Variants in DENND1A observed in about 807,000 individuals in gnomAD.
DENND1A encodes DENN domain containing 1A, also known as DENN domain-containing protein 1A.
In DENND1A, 51 loss-of-function variants were observed where a neutral mutation model predicts 113.7. The ratio of observed to expected loss-of-function variants is 0.45; its 90% confidence interval spans 0.36 to 0.57. DENND1A has a LOEUF of 0.57. Among genes scored for constraint, DENND1A ranks in the 20% least tolerant of loss-of-function variants. The pLI is 0.00. For missense variants in DENND1A, 1,258 were observed against 1,395.9 expected (o/e 0.90, Z 1.57); for synonymous variants, 565 against 570.8 (o/e 0.99, Z 0.14).
chr9:123,913,574 T>C (rs1227416439), intron 1 of DENND1A, among the ~76,000 whole-genome samples: 3 of 152,058 alleles, frequency 2.0e-5, no homozygotes, highest in African/African-American at 7.2e-5. Context: ...TAAGAAACTC[T>C]GGAAGAGGGA....
chr9:123,509,700 T>C (rs948957956), intron 13 of DENND1A, among the ~76,000 whole-genome samples: 1 of 152,224 alleles, frequency 6.6e-6, no homozygotes, highest in Admixed American at 6.5e-5. Flanking sequence ...GGCCAGACTT[T>C]CCTCCTGAAC....
intron 6 of DENND1A, among the ~76,000 whole-genome samples, chr9:123,675,791 A>T (rs546982101): frequency 3.3e-5 from 5 of 152,328 alleles, no homozygotes; most frequent in Non-Finnish European, 7.3e-5. Flanking sequence ...CTTTAAGAAA[A>T]CAGCAGAATT....
intron 5 of DENND1A, among the ~76,000 whole-genome samples, chr9:123,755,184 A>T (rs2070420419): frequency 6.7e-6 from 1 of 149,012 alleles, no homozygotes; most frequent in Non-Finnish European, 1.5e-5. Context: ...GTGAAGTGGC[A>T]TGATCTCAGC....
chr9:123,386,028 C>T (rs994163371), intron 22 of DENND1A, among the ~76,000 whole-genome samples: 3 of 152,178 alleles, frequency 2.0e-5, no homozygotes, highest in South Asian at 2.1e-4. Flanking sequence ...AGCGAGCCCT[C>T]GCCGTTATTT....
At chr9:123,811,006 A>C (rs1296832409) in intron 2 of DENND1A, among the ~76,000 whole-genome samples, 1 of 151,712 alleles carries the variant, frequency 6.6e-6, no homozygotes, top group African/African-American at 2.4e-5. Context: ...TGATGCACCC[A>C]CCTCGGCCTC....
intron 11 of DENND1A, among the ~76,000 whole-genome samples, chr9:123,593,659 T>A (rs2059560601): frequency 6.6e-6 from 1 of 152,042 alleles, no homozygotes; most frequent in African/African-American, 2.4e-5. Flanking sequence ...TTTCTTTTTC[T>A]TTTTTTTAAA....
chr9:123,630,264 G>C (rs2061420118), intron 10 of DENND1A, 112 bp downstream of exon 10: 8 of 220,338 alleles, frequency 3.6e-5, no homozygotes, highest in Middle Eastern at 1.7e-3. Context: ...CAGGCTGGAT[G>C]AAGTTAATAT....
intron 5 of DENND1A, among the ~76,000 whole-genome samples, chr9:123,694,735 G>A (rs1024343068): frequency 1.4e-4 from 22 of 152,140 alleles, no homozygotes; most frequent in Admixed American, 3.9e-4. Flanking sequence ...ACCAGGATTC[G>A]AAATGATGTC....
chr9:123,651,397 C>A (rs191699749), intron 9 of DENND1A, among the ~76,000 whole-genome samples: 6 of 152,064 alleles, frequency 3.9e-5, no homozygotes, highest in Admixed American at 2.0e-4. Context: ...CACGTACACA[C>A]GTGCGCACAT....
At chr9:123,458,328 G>C (rs1462176200) in intron 13 of DENND1A, among the ~76,000 whole-genome samples, 1 of 152,018 alleles carries the variant, frequency 6.6e-6, no homozygotes, top group Non-Finnish European at 1.5e-5. Context: ...CTAACCCTCT[G>C]ATAGTTAGAA....
intron 19 of DENND1A, among the ~76,000 whole-genome samples, chr9:123,418,941 G>A (rs1341793680): frequency 1.3e-5 from 2 of 152,244 alleles, no homozygotes; most frequent in African/African-American, 4.8e-5. Flanking sequence ...TGGACCCGTG[G>A]ATTCACTCAG....
chr9:123,485,477 G>A (rs1185317634), intron 13 of DENND1A: 1 of 152,182 alleles, frequency 6.6e-6, no homozygotes, highest in Admixed American at 6.5e-5. Context: ...TAATCATTAA[G>A]CTCTGTAATC....
At chr9:123,910,583 A>G (rs987301362) in intron 1 of DENND1A, among the ~76,000 whole-genome samples, 1 of 152,248 alleles carries the variant, frequency 6.6e-6, no homozygotes, top group Admixed American at 6.5e-5. Flanking sequence ...AACAGAACAC[A>G]TCAAAAAGTA....
At chr9:123,686,914 C>T (rs2064845004) in intron 5 of DENND1A, among the ~76,000 whole-genome samples, 2 of 152,096 alleles carry the variant, frequency 1.3e-5, no homozygotes, top group Admixed American at 1.3e-4. Context: ...TCATTTCCAC[C>T]CCAGATCTCT....
intron 1 of DENND1A, among the ~76,000 whole-genome samples, chr9:123,884,674 C>G (rs917418444): frequency 2.6e-5 from 4 of 152,132 alleles, no homozygotes; most frequent in Admixed American, 6.5e-5. Context: ...ATGTGCCAGC[C>G]ATGATCCTAA....
intron 8 of DENND1A, among the ~76,000 whole-genome samples, chr9:123,663,257 A>T (rs1402802654): frequency 1.3e-5 from 2 of 152,218 alleles, no homozygotes; most frequent in East Asian, 3.8e-4. Flanking sequence ...TTATGTTTAA[A>T]AACCATCTAC....
chr9:123,723,281 T>C (rs572663692), intron 5 of DENND1A, among the ~76,000 whole-genome samples: 33 of 152,352 alleles, frequency 2.2e-4, no homozygotes, highest in African/African-American at 7.5e-4. Context: ...AGTAACTAAC[T>C]TGCTTTTGAT....
intron 2 of DENND1A, among the ~76,000 whole-genome samples, chr9:123,865,464 C>T (rs1845678458): frequency 6.7e-6 from 1 of 150,132 alleles, no homozygotes; most frequent in Non-Finnish European, 1.5e-5. Context: ...CCTGGAACTG[C>T]CTTAGGACTG....
intron 14 of DENND1A, 122 bp from the exon 15 acceptor site, chr9:123,457,557 G>T: frequency 1.2e-6 from 1 of 857,852 alleles, no homozygotes; most frequent in Non-Finnish European, 1.8e-6. Context: ...CAACAGGCAA[G>T]TTTCTTTCTA....
Sources: gnomAD v4.1 joint callset for allele counts (sites outside exome capture counted in the v4.1 genomes callset) on GRCh38, gnomAD v4.1.1 for gene constraint, MANE v1.5 for transcripts, NCBI Gene and HGNC (gene_info 2026-07-23, HGNC 2026-07-21) for gene names.